CLSTN2: variants seen among roughly 807,000 people sequenced by gnomAD.
CLSTN2 encodes the protein calsyntenin-2.
CLSTN2 carries 48 observed loss-of-function variants against 101.2 expected under a neutral mutation model. That is an observed-to-expected ratio of 0.47 (90% CI 0.38 to 0.60). The LOEUF is 0.60. CLSTN2 is among the 20% of genes least tolerant of loss of function. CLSTN2 has a pLI of 0.00. For missense variants in CLSTN2, 1,160 were observed against 1,238.2 expected (o/e 0.94, Z 0.95); for synonymous variants, 481 against 463.6 (o/e 1.04, Z -0.48).
At chr3:139,989,618 G>T (rs1936085729) in intron 1 of CLSTN2, among the ~76,000 whole-genome samples, 1 of 152,114 alleles carries the variant, frequency 6.6e-6, no homozygotes, top group Non-Finnish European at 1.5e-5. Context: ...CATGCCTCTG[G>T]ATTTCTGAGC....
intron 8 of CLSTN2, among the ~76,000 whole-genome samples, chr3:140,513,178 C>T (rs1483306288): frequency 6.6e-6 from 1 of 152,164 alleles, no homozygotes; most frequent in Non-Finnish European, 1.5e-5. Context: ...GCATCCTTGT[C>T]TTGTGCCAGT....
At chr3:140,326,751 G>GT (rs2087335442) in intron 2 of CLSTN2, among the ~76,000 whole-genome samples, 1 of 152,148 alleles carries the variant, frequency 6.6e-6, no homozygotes, top group South Asian at 2.1e-4. Context: ...GGGTCGGACT[G>GT]TAATCTACAG....
intron 2 of CLSTN2, among the ~76,000 whole-genome samples, chr3:140,339,646 C>T (rs2087473039): frequency 6.6e-6 from 1 of 152,168 alleles, no homozygotes; most frequent in Non-Finnish European, 1.5e-5. Context: ...GGCCTTGAAA[C>T]AGAGGCTTAG....
At chr3:140,138,748 T>A (rs2009652952) in intron 1 of CLSTN2, among the ~76,000 whole-genome samples, 1 of 152,198 alleles carries the variant, frequency 6.6e-6, no homozygotes, top group African/African-American at 2.4e-5. Context: ...TGCTCCTGGT[T>A]GAGCCAGGCC....
intron 2 of CLSTN2, among the ~76,000 whole-genome samples, chr3:140,210,568 G>A (rs1220152820): frequency 6.6e-6 from 1 of 152,212 alleles, no homozygotes; most frequent in Non-Finnish European, 1.5e-5. Context: ...CTGAGGGAAT[G>A]TATATACCTT....
chr3:140,397,582 G>C (rs943595489), intron 2 of CLSTN2, among the ~76,000 whole-genome samples: 1 of 152,134 alleles, frequency 6.6e-6, no homozygotes, highest in African/African-American at 2.4e-5. Flanking sequence ...TGTCTTTTGA[G>C]GGCCCATTTT....
At chr3:140,148,675 A>G (rs1198821986) in intron 1 of CLSTN2, among the ~76,000 whole-genome samples, 1 of 152,236 alleles carries the variant, frequency 6.6e-6, no homozygotes, top group African/African-American at 2.4e-5. Flanking sequence ...TCTCTGGGTA[A>G]TAAACGGGAA....
chr3:140,502,855 T>C (rs1490050054), intron 8 of CLSTN2, among the ~76,000 whole-genome samples: 1 of 152,206 alleles, frequency 6.6e-6, no homozygotes, highest in African/African-American at 2.4e-5. Context: ...ATTGCAACCA[T>C]ATAATATACC....
In CLSTN2 at chr3:139,955,112, C is replaced by CTATATATACATATA. The variant is rs1440167224; in HGVS notation, c.109+19637_109+19638insCATATATATATATA. Among the ~76,000 whole-genome samples, 17 of 71,504 alleles carry CTATATATACATATA rather than the reference C, an allele frequency of 2.4e-4. 1 individual carries two copies. The highest frequency in any genetic ancestry group is 9.5e-4 in the African/African-American group (17 of 17,814). 46.9% of individuals were successfully genotyped at this position (71,504 alleles called of 152,430 possible). On this transcript the variant is annotated intron_variant, in intron 1 of 16. Transcript: ENST00000458420. ...CATACATGTATATATGGCAATATTG[C>CTATATATACATATA]TATATATATATATATATATATATAT...
intron 1 of CLSTN2, among the ~76,000 whole-genome samples, chr3:140,135,738 T>C (rs2009606634): frequency 6.6e-6 from 1 of 152,184 alleles, no homozygotes; most frequent in Non-Finnish European, 1.5e-5. Context: ...TAAACTGAGA[T>C]CGGAGTATAT....
chr3:140,125,471 A>G (rs1409309191), intron 1 of CLSTN2, among the ~76,000 whole-genome samples: 2 of 152,062 alleles, frequency 1.3e-5, no homozygotes, highest in Admixed American at 1.3e-4. Flanking sequence ...ATGAGAGCAG[A>G]TACCAGTGAG....
intron 2 of CLSTN2, among the ~76,000 whole-genome samples, chr3:140,179,880 C>T (rs753122780): frequency 5.9e-5 from 9 of 151,878 alleles, no homozygotes; most frequent in Non-Finnish European, 1.2e-4. Context: ...GATGGATTTC[C>T]AGAATTTTAG....
At chr3:140,511,522 A>C (rs372468510) in intron 8 of CLSTN2, among the ~76,000 whole-genome samples, 7 of 146,468 alleles carry the variant, frequency 4.8e-5, no homozygotes, top group African/African-American at 1.8e-4. Flanking sequence ...CAACTGTGCC[A>C]GTATCTGCTG....
In CLSTN2 at chr3:140,566,550, G is replaced by GT; in HGVS notation, c.*303dup. On this transcript the variant is annotated 3_prime_UTR_variant, in exon 17 of 17. Transcript: ENST00000458420. ...CTACCTGTCTGCAGAGTTTGCCTTT[G>GT]TTTTTTCCTGCAGGGAAGAAGGCCC... The GT allele has an allele frequency of 2.4e-6, 1 of 413,796 alleles. No individual in the cohort carries two copies. The highest frequency in any genetic ancestry group is 3.2e-5 in the South Asian group (1 of 31,476). The allele number at this position is 413,796 out of a possible 1,614,324, so 25.6% of individuals were successfully genotyped here. A position where few individuals can be genotyped will look rare whatever the true frequency, so the allele number is the denominator to read the frequency against.
intron 2 of CLSTN2, among the ~76,000 whole-genome samples, chr3:140,235,075 A>G (rs1316499265): frequency 1.3e-5 from 2 of 152,204 alleles, no homozygotes; most frequent in Non-Finnish European, 2.9e-5. Flanking sequence ...TATGTCCTCA[A>G]CTACAAAATA....
intron 8 of CLSTN2, chr3:140,505,783 A>T (rs559638262): frequency 6.6e-6 from 1 of 152,212 alleles, no homozygotes; most frequent in African/African-American, 2.4e-5. Context: ...CTGTGTTTAC[A>T]GATGGCCAGC....
intron 2 of CLSTN2, among the ~76,000 whole-genome samples, chr3:140,214,995 G>A (rs1215801268): frequency 6.6e-6 from 1 of 152,168 alleles, no homozygotes; most frequent in East Asian, 1.9e-4. Flanking sequence ...GCATTATAAT[G>A]TAAATCTAGG....
chr3:140,173,865 C>T (rs2010278072), intron 1 of CLSTN2, among the ~76,000 whole-genome samples: 1 of 152,144 alleles, frequency 6.6e-6, no homozygotes, highest in African/African-American at 2.4e-5. Flanking sequence ...AGGTCCAGCC[C>T]ATGAAACCAT....
chr3:140,113,334 A>G (rs979454779), intron 1 of CLSTN2, among the ~76,000 whole-genome samples: 5 of 152,190 alleles, frequency 3.3e-5, no homozygotes, highest in African/African-American at 1.2e-4. Context: ...GGCTGGCTAC[A>G]GTGCCTGCAG....
Sources: allele counts gnomAD v4.1 joint callset (sites outside exome capture counted in the v4.1 genomes callset), GRCh38; gene constraint gnomAD v4.1.1; transcripts MANE v1.5; gene names NCBI Gene and HGNC (gene_info 2026-07-23, HGNC 2026-07-21).